The following LRRC36 variants were observed in gnomAD, a reference collection of about 807,000 sequenced individuals.
The protein encoded by LRRC36 is leucine-rich repeat-containing protein 36.
In LRRC36, 62 loss-of-function variants were observed where a neutral mutation model predicts 81.1. That is an observed-to-expected ratio of 0.76 (90% CI 0.62 to 0.94). LRRC36 has a LOEUF of 0.94. Among genes scored for constraint, LRRC36 ranks in the 40% least tolerant of loss-of-function variants. LRRC36 has a pLI of 0.00. For synonymous variants in LRRC36, 334 were observed against 348.6 expected, an observed-to-expected ratio of 0.96 and a Z score of 0.47; for missense variants, 761 against 881.7, an observed-to-expected ratio of 0.86 and a Z score of 1.73.
At chr16:67,363,541 GA>G in intron 5 of LRRC36, 48 bp from the exon 6 acceptor site, 1 of 1,602,986 alleles carries the variant, frequency 6.2e-7, no homozygotes, top group Non-Finnish European at 8.5e-7. Context: ...TGCTGCCTTT[GA>G]AGTCTGGTCA....
intron 4 of LRRC36, 35 bp downstream of exon 4, chr16:67,347,626 G>A: frequency 6.7e-7 from 1 of 1,503,286 alleles, no homozygotes. Context: ...TTAAAGTTTG[G>A]TTCTGGACAT....
chr16:67,384,798 G>A, intron 13 of LRRC36, 72 bp from the exon 14 acceptor site: 2 of 1,092,670 alleles, frequency 1.8e-6, no homozygotes, highest in South Asian at 2.8e-5. Flanking sequence ...GCCTTTGGGA[G>A]ACATTTTGGG....
chr16:67,382,391 C>A, intron 13 of LRRC36, 144 bp downstream of exon 13: 1 of 599,766 alleles, frequency 1.7e-6, no homozygotes, highest in Non-Finnish European at 3.0e-6. Context: ...GGCCAGTTAG[C>A]TCAGGGATTA....
chr16:67,361,830 G>C (rs2039159049), intron 5 of LRRC36, among the ~76,000 whole-genome samples: 1 of 152,146 alleles, frequency 6.6e-6, no homozygotes, highest in Admixed American at 6.5e-5. Context: ...GCCTCCCAAA[G>C]TGCTGAAATT....
rs138358333 is a variant in LRRC36, at chr16:67,371,091, G to A, written c.1343G>A (p.Arg448Gln). The A allele has an allele frequency of 1.9e-5, 30 of 1,614,162 alleles. No individual in the cohort carries two copies. The highest frequency in any genetic ancestry group is 6.7e-5 in the African/African-American group (5 of 75,038). The change falls in exon 9 of 14, where the codon CGG becomes CAG. Residue 448 changes from arginine to glutamine, a missense_variant. Arg to Gln is a conservative substitution (Grantham distance 43). Coordinates refer to ENST00000329956, the MANE Select transcript of LRRC36 (RefSeq NM_018296.6). The stretch of plus-strand genomic sequence containing the variant: ...CTGGGAAACAGGACAACTCCTCTGC[G>A]GACACTGCTGTTGTCTCCTGGGACT... ...AVLGNRTTPL[R>Q]TLLLSPGTSE...
At chr16:67,333,978 C>T (rs1015927497) in intron 1 of LRRC36, among the ~76,000 whole-genome samples, 1 of 152,000 alleles carries the variant, frequency 6.6e-6, no homozygotes, top group African/African-American at 2.4e-5. Context: ...TTGTGTTGTA[C>T]AGTTCTATGG....
chr16:67,371,140 C>A lies in LRRC36; in HGVS notation c.1392C>A (p.Thr464=), dbSNP rs771356477. ...PGTSEHRKIF[T]KRSLSPSKRG... ...CTTCAGAACACAGAAAGATTTTTAC[C>A]AAGAGGTCACTAAGCCCATCGAAGA... is the stretch of plus-strand genomic sequence containing the variant. The change falls in exon 9 of 14, where the codon ACC becomes ACA. Residue 464 remains threonine, a synonymous_variant. Coordinates refer to ENST00000329956, the MANE Select transcript of LRRC36 (RefSeq NM_018296.6). The A allele has an allele frequency of 6.2e-7, 1 of 1,614,152 alleles. No individual in the cohort carries two copies. Among genetic ancestry groups the A allele is most frequent in the Non-Finnish European group, 8.5e-7 (1 of 1,180,018 alleles).
At position 67,346,435 on chromosome 16, in the gene LRRC36, T is replaced by G; in HGVS notation, c.378T>G (p.Thr126=). The change falls in exon 3 of 14, where the codon ACT becomes ACG. Residue 126 remains threonine, a synonymous_variant. Coordinates refer to ENST00000329956, the MANE Select transcript of LRRC36 (RefSeq NM_018296.6). ...YRLFAVYTLQ[T]LEKLDDRTVR... ...TCTTTGCTGTATATACACTACAAAC[T>G]CTGGAGAAATTAGGTAAGACCTTCC... 6.3e-7 allele frequency: 1 copy of G among 1,575,232 alleles called. No individual in the cohort carries two copies.
chr16:67,350,016 C>A (rs2038544564), intron 4 of LRRC36, among the ~76,000 whole-genome samples, 186 bp from the exon 5 acceptor site: 1 of 152,184 alleles, frequency 6.6e-6, no homozygotes, highest in Non-Finnish European at 1.5e-5. Context: ...CCGCCTCGGC[C>A]TCCCAAAGTG....
chr16:67,327,049 T>C (rs1238297499), intron 1 of LRRC36, 117 bp downstream of exon 1: 11 of 862,736 alleles, frequency 1.3e-5, no homozygotes, highest in East Asian at 9.7e-5. Flanking sequence ...AGAGAAGCGG[T>C]ACCTGAGGCT....
rs530175455 is a variant in LRRC36 at position 67,341,944 on chromosome 16, G to A, written c.71-13G>A. 2 of 1,600,356 alleles carry A rather than the reference G, an allele frequency of 1.2e-6. No homozygotes were observed. Among genetic ancestry groups the A allele is most frequent in the Non-Finnish European group, 1.7e-6 (2 of 1,172,454 alleles). On this transcript the variant is annotated splice_polypyrimidine_tract_variant and intron_variant, in intron 1 of 13. Coordinates refer to ENST00000329956, the MANE Select transcript of LRRC36 (RefSeq NM_018296.6). ...CAGGGATCATAATATATCTACTGAT[G>A]ATCTCTTTTCAGAACTGGTGGAGTC...
Position 67,371,157 on chromosome 16 carries a change from C to T in LRRC36, c.1409C>T (p.Pro470Leu). The change falls in exon 9 of 14, where the codon CCA becomes CTA. Residue 470 changes from proline to leucine, a missense_variant. Transcript: ENST00000329956. The stretch of plus-strand genomic sequence containing the variant: ...ATTTTTACCAAGAGGTCACTAAGCC[C>T]ATCGAAGAGAGGATTCAAATGGAAG... ...RKIFTKRSLS[P>L]SKRGFKWKDN... 1.2e-6 allele frequency: 2 copies of T among 1,614,154 alleles called. No homozygotes were observed. The highest frequency in any genetic ancestry group is 1.7e-6 in the Non-Finnish European group (2 of 1,180,014).
In LRRC36 at chr16:67,367,472, T is replaced by G. The variant is rs2039452941; in HGVS notation, c.1195+15T>G. On this transcript the variant is annotated intron_variant, in intron 8 of 13. Transcript: ENST00000329956. Reference sequence around the variant, plus strand: ...GCTTAGTTCAGGTAACAGCTTCCTGTCAGTTTACAGGTCTTCTTCATAGGC... The same window carrying G: ...GCTTAGTTCAGGTAACAGCTTCCTGGCAGTTTACAGGTCTTCTTCATAGGC... 6.3e-7 allele frequency: 1 copy of G among 1,598,700 alleles called. No individual in the cohort carries two copies. The highest frequency in any genetic ancestry group is 8.5e-7 in the Non-Finnish European group (1 of 1,172,884).
chr16:67,346,254 A>G lies in LRRC36; in HGVS notation c.199-2A>G. Reference sequence around the variant, plus strand: ...TTTCATAATGTGGTGTTTTCCTTGTAGGGAATCCAGTATTTATGTTCACTC... The same window carrying G: ...TTTCATAATGTGGTGTTTTCCTTGTGGGGAATCCAGTATTTATGTTCACTC... On this transcript the variant is annotated splice_acceptor_variant, in intron 2 of 13. Coordinates refer to ENST00000329956, the MANE Select transcript of LRRC36 (RefSeq NM_018296.6). LOFTEE classifies it high-confidence loss of function. 1.3e-6 allele frequency: 2 copies of G among 1,543,194 alleles called. No homozygotes were observed. The highest frequency in any genetic ancestry group is 8.8e-7 in the Non-Finnish European group (1 of 1,133,156).
At chr16:67,331,088 AG>A (rs2037466714) in intron 1 of LRRC36, among the ~76,000 whole-genome samples, 1 of 150,826 alleles carries the variant, frequency 6.6e-6, no homozygotes, top group Non-Finnish European at 1.5e-5. Flanking sequence ...AGAGAGAGAG[AG>A]AGAGAGAGAG....
intron 1 of LRRC36, among the ~76,000 whole-genome samples, chr16:67,337,028 C>T (rs1344017814): frequency 1.3e-5 from 2 of 152,116 alleles, no homozygotes; most frequent in Non-Finnish European, 2.9e-5. Context: ...CTTGGCCTCC[C>T]AAAGTGCTGG....
At chr16:67,331,338 A>C (rs145869657) in intron 1 of LRRC36, among the ~76,000 whole-genome samples, 5,181 of 151,768 alleles carry the variant, frequency 0.034, 141 homozygotes, top group South Asian at 0.069. Context: ...AGCCTGGGCA[A>C]CACAGCAAGA....
At chr16:67,328,493 A>AT (rs1491502351) in intron 1 of LRRC36, among the ~76,000 whole-genome samples, 1 of 152,158 alleles carries the variant, frequency 6.6e-6, no homozygotes, top group Non-Finnish European at 1.5e-5. Flanking sequence ...AGCCTGGGTG[A>AT]CAGAGTGAGA....
At chr16:67,327,034 A>C in intron 1 of LRRC36, 102 bp downstream of exon 1, 28 of 947,160 alleles carry the variant, frequency 3.0e-5, no homozygotes, top group East Asian at 1.8e-4. Context: ...AGGCGAGGGA[A>C]CCACAGAGAA....
Sources: allele counts gnomAD v4.1 joint callset (sites outside exome capture counted in the v4.1 genomes callset), GRCh38; gene constraint gnomAD v4.1.1; transcripts MANE v1.5; gene names NCBI Gene and HGNC (gene_info 2026-07-23, HGNC 2026-07-21).